Variants in SLC35F1 observed in about 807,000 individuals in gnomAD.
SLC35F1 encodes solute carrier family 35 member F1.
Under a neutral mutation model 48.7 loss-of-function variants are expected in SLC35F1, and 14 were observed. The ratio of observed to expected loss-of-function variants is 0.29; its 90% CI spans 0.19 to 0.45. The LOEUF is 0.45. Among genes scored for constraint, SLC35F1 ranks in the 20% least tolerant of loss-of-function variants. SLC35F1 has a pLI of 1.00. For missense variants in SLC35F1, 404 were observed against 500.0 expected (o/e 0.81, Z 1.83); for synonymous variants, 190 against 202.2 (o/e 0.94, Z 0.51).
chr6:117,954,315 G>T (rs1776399564), intron 1 of SLC35F1, among the ~76,000 whole-genome samples: 1 of 152,084 alleles, frequency 6.6e-6, no homozygotes, highest in South Asian at 2.1e-4. Flanking sequence ...GAGTGCAATG[G>T]TGCAATCTCG....
chr6:118,309,760 T>C (rs1776352323), intron 7 of SLC35F1, among the ~76,000 whole-genome samples: 1 of 152,220 alleles, frequency 6.6e-6, no homozygotes. Flanking sequence ...GTCTGTGATG[T>C]GCTGAATGCC....
At chr6:118,228,124 T>A (rs1775241484) in intron 2 of SLC35F1, among the ~76,000 whole-genome samples, 1 of 152,160 alleles carries the variant, frequency 6.6e-6, no homozygotes, top group South Asian at 2.1e-4. Flanking sequence ...CCAATCTCAC[T>A]CTCTGGATCT....
chr6:118,313,916 C>A, intron 7 of SLC35F1, 112 bp from the exon 8 acceptor site: 1 of 961,874 alleles, frequency 1.0e-6, no homozygotes. Context: ...GCCAACTCAT[C>A]ATGCTGCCTG....
chr6:118,087,400 G>A (rs537962166), intron 1 of SLC35F1, among the ~76,000 whole-genome samples: 10 of 152,184 alleles, frequency 6.6e-5, no homozygotes, highest in South Asian at 2.1e-4. Flanking sequence ...CAACATATTC[G>A]TTTTGAGGAG....
intron 1 of SLC35F1, among the ~76,000 whole-genome samples, chr6:118,000,971 C>T (rs1191812197): frequency 2.6e-5 from 4 of 151,996 alleles, no homozygotes; most frequent in Admixed American, 1.3e-4. Flanking sequence ...AATGGAAGAA[C>T]ATTCCATGCT....
chr6:118,203,826 G>A (rs1006238557), intron 2 of SLC35F1, among the ~76,000 whole-genome samples: 1 of 152,148 alleles, frequency 6.6e-6, no homozygotes, highest in African/African-American at 2.4e-5. Flanking sequence ...GCCATTCATG[G>A]CTTCATTCAT....
At chr6:118,026,302 T>C (rs1430793700) in intron 1 of SLC35F1, among the ~76,000 whole-genome samples, 3 of 152,064 alleles carry the variant, frequency 2.0e-5, no homozygotes, top group African/African-American at 7.2e-5. Context: ...GACTTGGAGG[T>C]GGGAGAAGAA....
chr6:118,243,939 G>C (rs1775472178), intron 3 of SLC35F1, among the ~76,000 whole-genome samples: 1 of 152,204 alleles, frequency 6.6e-6, no homozygotes, highest in African/African-American at 2.4e-5. Flanking sequence ...CAAAGTGCTT[G>C]CCCCCAAAGG....
chr6:118,019,954 C>G (rs1191669957), intron 1 of SLC35F1, among the ~76,000 whole-genome samples: 2 of 152,140 alleles, frequency 1.3e-5, no homozygotes, highest in African/African-American at 4.8e-5. Flanking sequence ...CAGATTGAAC[C>G]CCTTGGTCAA....
At chr6:118,294,375 T>C (rs1776158748) in intron 7 of SLC35F1, among the ~76,000 whole-genome samples, 1 of 152,224 alleles carries the variant, frequency 6.6e-6, no homozygotes, top group Admixed American at 6.5e-5. Context: ...GTTGTTAAAG[T>C]AAAATGCCAA....
chr6:117,998,233 A>C (rs1277447737), intron 1 of SLC35F1, among the ~76,000 whole-genome samples: 1 of 146,646 alleles, frequency 6.8e-6, no homozygotes, highest in Non-Finnish European at 1.5e-5. Flanking sequence ...AACTATCCTA[A>C]ATATATATGC....
intron 1 of SLC35F1, among the ~76,000 whole-genome samples, chr6:118,077,227 G>C (rs1772835052): frequency 6.6e-6 from 1 of 152,188 alleles, no homozygotes; most frequent in Admixed American, 6.5e-5. Context: ...GAGAGCCCAG[G>C]TTAGTCGGGG....
chr6:118,272,737 G>GTGTGTATATATATATATATATATATATA (rs201515909), intron 4 of SLC35F1, among the ~76,000 whole-genome samples: 1 of 120,268 alleles, frequency 8.3e-6, no homozygotes, highest in African/African-American at 3.2e-5. Context: ...ATATGTGTGT[G>GTGTGTATATATATATATATATATATATA]TATATATATA....
chr6:117,965,168 T>A (rs1204813015), intron 1 of SLC35F1, among the ~76,000 whole-genome samples: 1 of 152,176 alleles, frequency 6.6e-6, no homozygotes, highest in African/African-American at 2.4e-5. Context: ...AGAGGGTGGA[T>A]TTCTATGTTT....
chr6:118,260,658 T>C (rs1775701142), intron 3 of SLC35F1, among the ~76,000 whole-genome samples: 1 of 152,160 alleles, frequency 6.6e-6, no homozygotes, highest in Non-Finnish European at 1.5e-5. Context: ...AGAAAGGATA[T>C]CTTGTTCATC....
At chr6:117,964,451 T>C (rs1436921165) in intron 1 of SLC35F1, among the ~76,000 whole-genome samples, 1 of 152,246 alleles carries the variant, frequency 6.6e-6, no homozygotes, top group Non-Finnish European at 1.5e-5. Flanking sequence ...AACTACTATT[T>C]GTACACTGTT....
chr6:117,907,484 GGGCGGC>G lies in SLC35F1; in HGVS notation c.-230_-225del, dbSNP rs1181529550. 1.9e-5 allele frequency: 5 copies of G among 267,506 alleles called. No individual in the cohort carries two copies. Among genetic ancestry groups the G allele is most frequent in the Non-Finnish European group, 3.5e-5 (5 of 144,840 alleles). The allele number at this position is 267,506 out of a possible 1,614,324, so 16.6% of individuals were successfully genotyped here. A position where few individuals can be genotyped will look rare whatever the true frequency, so the allele number is the denominator to read the frequency against. ...GACGCGGCTCGGGAAGAGCCGGGGC[GGGCGGC>G]GGCGGCGGCGGCACGGGCGCGAGGG... On this transcript the variant is annotated 5_prime_UTR_variant, in exon 1 of 8. Transcript: ENST00000360388.
chr6:117,952,428 A>T (rs1047819381), intron 1 of SLC35F1, among the ~76,000 whole-genome samples: 13 of 152,188 alleles, frequency 8.5e-5, no homozygotes, highest in Non-Finnish European at 1.6e-4. Context: ...TCTTTCAGAA[A>T]ATGCTGGTGA....
intron 1 of SLC35F1, among the ~76,000 whole-genome samples, chr6:117,996,248 G>C (rs1406202062): frequency 6.6e-6 from 1 of 152,112 alleles, no homozygotes; most frequent in Non-Finnish European, 1.5e-5. Flanking sequence ...ACAAACTTTT[G>C]AAATCCTAGG....
Sources: allele counts gnomAD v4.1 joint callset (sites outside exome capture counted in the v4.1 genomes callset), GRCh38; gene constraint gnomAD v4.1.1; transcripts MANE v1.5; gene names NCBI Gene and HGNC (gene_info 2026-07-23, HGNC 2026-07-21).